Variants in KCNIP4 observed in about 807,000 individuals in gnomAD.
KCNIP4 encodes Kv channel-interacting protein 4.
In KCNIP4, 12 loss-of-function variants were observed where a neutral mutation model predicts 34.0. The observed-to-expected ratio is 0.35, with a 90% CI of 0.23 to 0.57. The LOEUF is 0.57. KCNIP4 is among the 20% of genes least tolerant of loss of function. The pLI is 0.83. For synonymous variants in KCNIP4, 124 were observed against 102.2 expected (o/e 1.21, Z -1.29); for missense variants, 238 against 311.7 (o/e 0.76, Z 1.78).
intron 1 of KCNIP4, among the ~76,000 whole-genome samples, chr4:21,657,542 T>C (rs942968498): frequency 6.6e-6 from 1 of 152,336 alleles, no homozygotes; most frequent in South Asian, 2.1e-4. Context: ...TACTCATTAT[T>C]TGATATATTA....
intron 1 of KCNIP4, among the ~76,000 whole-genome samples, chr4:21,218,638 G>A (rs776953271): frequency 2.6e-5 from 4 of 152,098 alleles, no homozygotes; most frequent in Non-Finnish European, 5.9e-5. Flanking sequence ...TGCACTATCT[G>A]CTCAGAAAAA....
intron 1 of KCNIP4, among the ~76,000 whole-genome samples, chr4:20,949,901 T>C (rs1732596116): frequency 1.3e-5 from 2 of 149,572 alleles, no homozygotes; most frequent in Non-Finnish European, 3.0e-5. Flanking sequence ...GAGATATACC[T>C]AATGCTAGAT....
intron 1 of KCNIP4, among the ~76,000 whole-genome samples, chr4:21,123,695 G>A (rs1225370697): frequency 6.6e-6 from 1 of 152,150 alleles, no homozygotes; most frequent in Non-Finnish European, 1.5e-5. Flanking sequence ...AACCCCCAAT[G>A]TGATGATACT....
At chr4:21,276,741 C>T (rs937878466) in intron 1 of KCNIP4, among the ~76,000 whole-genome samples, 2 of 152,134 alleles carry the variant, frequency 1.3e-5, no homozygotes, top group Admixed American at 1.3e-4. Context: ...ACTTCAACTT[C>T]CCAGACTCCC....
At chr4:21,283,329 T>C (rs1471819103) in intron 1 of KCNIP4, among the ~76,000 whole-genome samples, 1 of 152,108 alleles carries the variant, frequency 6.6e-6, no homozygotes, top group East Asian at 1.9e-4. Flanking sequence ...ATATACATTT[T>C]TCCTTCATAA....
At chr4:21,523,127 T>C (rs1735683107) in intron 1 of KCNIP4, among the ~76,000 whole-genome samples, 1 of 152,130 alleles carries the variant, frequency 6.6e-6, no homozygotes, top group Non-Finnish European at 1.5e-5. Context: ...TGGTCCTCAT[T>C]GGACATCAAG....
intron 1 of KCNIP4, among the ~76,000 whole-genome samples, chr4:21,352,750 T>C (rs754549470): frequency 7.2e-5 from 11 of 152,224 alleles, no homozygotes; most frequent in Non-Finnish European, 1.6e-4. Context: ...AACATCCCCG[T>C]CTGACAGCTC....
At chr4:20,768,291 A>C (rs1755590771) in intron 3 of KCNIP4, among the ~76,000 whole-genome samples, 1 of 152,168 alleles carries the variant, frequency 6.6e-6, no homozygotes, top group Non-Finnish European at 1.5e-5. Flanking sequence ...TTGGGCCTAC[A>C]TTTTTAGAAC....
chr4:21,581,682 A>G (rs1375092624), intron 1 of KCNIP4, among the ~76,000 whole-genome samples: 1 of 152,010 alleles, frequency 6.6e-6, no homozygotes, highest in African/African-American at 2.4e-5. Context: ...GACATTGTTC[A>G]GTACATTTTG....
intron 1 of KCNIP4, among the ~76,000 whole-genome samples, chr4:21,384,059 C>G (rs1441849220): frequency 2.0e-5 from 3 of 152,078 alleles, no homozygotes; most frequent in Non-Finnish European, 4.4e-5. Context: ...TACCTCACAG[C>G]CTTGTACTTG....
intron 1 of KCNIP4, among the ~76,000 whole-genome samples, chr4:21,112,034 T>C (rs538664649): frequency 0.012 from 1,796 of 145,914 alleles, 15 homozygotes; most frequent in Non-Finnish European, 0.018. Context: ...TGTATCTATC[T>C]ATCTATCTAT....
intron 2 of KCNIP4, among the ~76,000 whole-genome samples, chr4:20,879,134 C>G (rs1724399123): frequency 6.6e-6 from 1 of 152,086 alleles, no homozygotes; most frequent in Admixed American, 6.6e-5. Flanking sequence ...CAATTGACTG[C>G]CTAGGGGATC....
At chr4:21,494,787 A>AAG (rs1553892021) in intron 1 of KCNIP4, among the ~76,000 whole-genome samples, 22 of 150,650 alleles carry the variant, frequency 1.5e-4, no homozygotes, top group Non-Finnish European at 1.8e-4. Context: ...AAAAAAAAAA[A>AAG]AAAATTAGTA....
At chr4:21,219,684 A>G (rs1757849486) in intron 1 of KCNIP4, among the ~76,000 whole-genome samples, 1 of 152,190 alleles carries the variant, frequency 6.6e-6, no homozygotes, top group Non-Finnish European at 1.5e-5. Flanking sequence ...GAGATAGAAA[A>G]GCACCACAAC....
Position 20,756,949 on chromosome 4 carries a change from C to T in KCNIP4, c.358+1872G>A, listed in dbSNP as rs117558491. Among the ~76,000 whole-genome samples, 27 of 152,124 alleles carry T rather than the reference C, an allele frequency of 1.8e-4. No individual in the cohort carries two copies. The East Asian group carries it at 5.1e-3, about 28-fold the overall frequency. ...AACCTCATCTACATCATGGATTTAA[C>T]CACTACTTCTTGATTAATAATTCTC... On this transcript the variant is annotated intron_variant, in intron 4 of 8. Transcript: ENST00000382152.
intron 1 of KCNIP4, among the ~76,000 whole-genome samples, chr4:21,443,587 C>G (rs1401425563): frequency 6.6e-6 from 1 of 152,150 alleles, no homozygotes; most frequent in African/African-American, 2.4e-5. Flanking sequence ...GAATTCTCCT[C>G]AAGACTACAA....
intron 1 of KCNIP4, among the ~76,000 whole-genome samples, chr4:21,402,719 T>C (rs1488593231): frequency 2.0e-5 from 3 of 151,920 alleles, no homozygotes; most frequent in East Asian, 3.9e-4. Context: ...TGGTCATAGA[T>C]GCACAACCAG....
rs371526671 is a variant in KCNIP4, at chr4:21,409,002, A to G, written c.62-526293T>C. On this transcript the variant is annotated intron_variant, in intron 1 of 8. Coordinates refer to ENST00000382152, the MANE Select transcript of KCNIP4 (RefSeq NM_025221.6). ...CTATTGGGCACTTTAAATGTGGCCA[A>G]TGAGACTGAGAAACTTAATTTTTAT... is the stretch of plus-strand genomic sequence containing the variant. Among the ~76,000 whole-genome samples the G allele has an allele frequency of 8.4e-4, 128 of 152,330 alleles. 4 individuals carry two copies. In the South Asian group the frequency reaches 0.022, roughly 26 times the overall value.
At chr4:21,365,461 G>C (rs1719649201) in intron 1 of KCNIP4, among the ~76,000 whole-genome samples, 1 of 145,516 alleles carries the variant, frequency 6.9e-6, no homozygotes. Context: ...CTGGATAACA[G>C]AGTGAGACTG....
Sources: gnomAD v4.1 joint callset for allele counts (sites outside exome capture counted in the v4.1 genomes callset) on GRCh38, gnomAD v4.1.1 for gene constraint, MANE v1.5 for transcripts, NCBI Gene and HGNC (gene_info 2026-07-23, HGNC 2026-07-21) for gene names.